Variants in SWT1 observed in about 807,000 individuals in gnomAD.
SWT1 encodes the protein SWT1 RNA endoribonuclease homolog.
Under a neutral mutation model 107.3 loss-of-function variants are expected in SWT1, and 33 were observed. The observed-to-expected ratio is 0.31, with a 90% CI of 0.23 to 0.41. SWT1 has a LOEUF of 0.41. SWT1 is among the 10% of genes least tolerant of loss of function. The pLI is 1.00. For synonymous variants in SWT1, 345 were observed against 348.3 expected (o/e 0.99, Z 0.11); for missense variants, 898 against 1,028.9 (o/e 0.87, Z 1.74).
intron 18 of SWT1, 30 bp downstream of exon 18, chr1:185,276,698 C>G: frequency 7.9e-7 from 1 of 1,265,226 alleles, no homozygotes; most frequent in Non-Finnish European, 1.1e-6. Flanking sequence ...AGATATAAAC[C>G]ATTGTAACAA....
Position 185,244,806 on chromosome 1 carries a change from C to G in SWT1, c.2441+13098C>G, listed in dbSNP as rs567559184. On this transcript the variant is annotated intron_variant, in intron 16 of 18. Transcript: ENST00000367500. ...GCTTAGAACACAAACAATGGCCAGG[C>G]ATGGTGGCCGACACCTGTAATCCCG... Among the ~76,000 whole-genome samples, 442 of 152,258 alleles carry G rather than the reference C, an allele frequency of 2.9e-3. 1 individual carries two copies. The highest frequency in any genetic ancestry group is 5.2e-3 in the Non-Finnish European group (354 of 68,024).
intron 10 of SWT1, among the ~76,000 whole-genome samples, chr1:185,191,416 G>T (rs1439207316): frequency 6.6e-6 from 1 of 152,054 alleles, no homozygotes; most frequent in African/African-American, 2.4e-5. Context: ...ATCATGCTTT[G>T]AAACTTGCAG....
At chr1:185,172,652 T>C (rs1481620248) in intron 4 of SWT1, among the ~76,000 whole-genome samples, 1 of 152,184 alleles carries the variant, frequency 6.6e-6, no homozygotes, top group African/African-American at 2.4e-5. Context: ...TGTGGGACTG[T>C]TATGTTGTTT....
chr1:185,173,929 A>G (rs1655317866), intron 4 of SWT1, among the ~76,000 whole-genome samples: 1 of 152,092 alleles, frequency 6.6e-6, no homozygotes, highest in African/African-American at 2.4e-5. Context: ...TGGGAGGTAG[A>G]AGGATTTCCT....
At chr1:185,243,517 C>T (rs906905518) in intron 16 of SWT1, among the ~76,000 whole-genome samples, 4 of 152,140 alleles carry the variant, frequency 2.6e-5, no homozygotes, top group African/African-American at 9.7e-5. Context: ...ATACAATGTC[C>T]TCAAGGGTGT....
At chr1:185,245,887 G>A (rs1415968878) in intron 16 of SWT1, among the ~76,000 whole-genome samples, 1 of 151,888 alleles carries the variant, frequency 6.6e-6, no homozygotes, top group Non-Finnish European at 1.5e-5. Context: ...TCCCACCTCA[G>A]CCTCCCAAGT....
At chr1:185,212,352 C>G (rs10453829) in intron 13 of SWT1, among the ~76,000 whole-genome samples, 65,756 of 151,864 alleles carry the variant, frequency 0.43, 15,628 homozygotes, top group African/African-American at 0.64. Context: ...GTCTAGTTGC[C>G]ATCTTCCATC....
intron 11 of SWT1, among the ~76,000 whole-genome samples, chr1:185,203,628 A>C (rs1307255344): frequency 6.6e-6 from 1 of 152,064 alleles, no homozygotes. Flanking sequence ...TCTCAGAAAA[A>C]AAAAAAAAAA....
chr1:185,184,319 A>G lies in SWT1; in HGVS notation c.1215A>G (p.Arg405=). ...TGATGAATCATCTCAAATTTGTTAG[A>G]ATTTTGAAGACAACAGAAGTACCAG... ...NILMNHLKFV[R]ILKTTEVPGF... The change falls in exon 8 of 19, where the codon AGA becomes AGG. Residue 405 remains arginine, a synonymous_variant. Coordinates refer to ENST00000367500, the MANE Select transcript of SWT1 (RefSeq NM_017673.7). 1 of 1,562,080 alleles carries G rather than the reference A, an allele frequency of 6.4e-7. No homozygotes were observed. Among genetic ancestry groups the G allele is most frequent in the Non-Finnish European group, 8.8e-7 (1 of 1,142,252 alleles).
At chr1:185,227,696 C>T (rs1660179327) in intron 15 of SWT1, 2 of 582,264 alleles carry the variant, frequency 3.4e-6, no homozygotes, top group South Asian at 1.4e-5. Flanking sequence ...TTTAACAAAC[C>T]CCATCCTGCA....
chr1:185,170,896 A>T (rs1052813503), intron 4 of SWT1, among the ~76,000 whole-genome samples: 1 of 152,208 alleles, frequency 6.6e-6, no homozygotes, highest in African/African-American at 2.4e-5. Flanking sequence ...CATTTTATTG[A>T]CACTGTCATT....
intron 3 of SWT1, among the ~76,000 whole-genome samples, chr1:185,167,374 A>G (rs1380711242): frequency 6.6e-6 from 1 of 152,226 alleles, no homozygotes; most frequent in African/African-American, 2.4e-5. Flanking sequence ...ACGCTAATCC[A>G]TAGGTTAGTG....
At chr1:185,168,302 A>G (rs1654754679) in intron 3 of SWT1, 38 bp from the exon 4 acceptor site, 2 of 980,616 alleles carry the variant, frequency 2.0e-6, no homozygotes, top group Admixed American at 4.1e-5. Context: ...AATATGTACC[A>G]GTGCACAATT....
chr1:185,190,514 G>T (rs764827734), intron 9 of SWT1, 35 bp from the exon 10 acceptor site: 2 of 1,178,854 alleles, frequency 1.7e-6, no homozygotes, highest in Non-Finnish European at 2.5e-6. Context: ...CATTTCTAGT[G>T]TACTTACTGA....
chr1:185,197,534 G>T (rs12065285), intron 10 of SWT1, among the ~76,000 whole-genome samples: 2,048 of 152,242 alleles, frequency 0.013, 41 homozygotes, highest in African/African-American at 0.047. Flanking sequence ...AAGGAATGGT[G>T]CCAGCTTCTC....
intron 17 of SWT1, among the ~76,000 whole-genome samples, chr1:185,272,048 C>T (rs1433933470): frequency 6.6e-6 from 1 of 152,164 alleles, no homozygotes; most frequent in African/African-American, 2.4e-5. Context: ...TGTAGCGATA[C>T]CAGTTGTTGT....
Position 185,170,074 on chromosome 1 carries a change from C to T in SWT1, c.224+1676C>T, listed in dbSNP as rs117625280. ...TTGCAAAGCCTCAGCATGTTCAACT[C>T]AATCCACAAAGCACCAAATGTTAAA... is the stretch of plus-strand genomic sequence containing the variant. On this transcript the variant is annotated intron_variant, in intron 4 of 18. Transcript: ENST00000367500. 5.8e-3 allele frequency among the ~76,000 whole-genome samples: 876 copies of T among 152,294 alleles called. 37 individuals are homozygous for T. In the East Asian group the frequency reaches 0.091, roughly 16 times the overall value.
intron 10 of SWT1, among the ~76,000 whole-genome samples, chr1:185,191,424 C>A (rs1348275471): frequency 6.6e-6 from 1 of 152,030 alleles, no homozygotes; most frequent in Non-Finnish European, 1.5e-5. Flanking sequence ...TTGAAACTTG[C>A]AGTTTTAATC....
At chr1:185,229,786 AT>A (rs926734454) in intron 15 of SWT1, among the ~76,000 whole-genome samples, 5 of 152,004 alleles carry the variant, frequency 3.3e-5, no homozygotes, top group African/African-American at 7.3e-5. Context: ...AATTAAGAAA[AT>A]TTTTTTTAAA....
Sources: gnomAD v4.1 joint callset for allele counts (sites outside exome capture counted in the v4.1 genomes callset) on GRCh38, gnomAD v4.1.1 for gene constraint, MANE v1.5 for transcripts, NCBI Gene and HGNC (gene_info 2026-07-23, HGNC 2026-07-21) for gene names.